Variants in ZDHHC21 observed in about 807,000 individuals in gnomAD.
ZDHHC21 encodes zDHHC palmitoyltransferase 21, also known as palmitoyltransferase ZDHHC21.
ZDHHC21 carries 15 observed loss-of-function variants against 34.6 expected under a neutral mutation model. That is an observed-to-expected ratio of 0.43 (90% CI 0.29 to 0.67). The LOEUF is 0.67. ZDHHC21 is among the 30% of genes least tolerant of loss of function. The probability of loss-of-function intolerance (pLI) is 0.14; values close to 1 mark genes in which losing one functional copy is unlikely to be tolerated. For synonymous variants in ZDHHC21, 142 were observed against 101.8 expected, an observed-to-expected ratio of 1.40 and a Z score of -2.38; for missense variants, 344 against 327.7, an observed-to-expected ratio of 1.05 and a Z score of -0.38.
downstream of ZDHHC21, among the ~76,000 whole-genome samples, chr9:14,609,972 A>C (rs1001317009): frequency 1.3e-5 from 2 of 152,196 alleles, no homozygotes; most frequent in Admixed American, 6.5e-5. Context: ...ATGAGATCCA[A>C]CTTTCTTCTA....
At chr9:14,664,137 G>A (rs1422949360) in intron 5 of ZDHHC21, among the ~76,000 whole-genome samples, 6 of 152,146 alleles carry the variant, frequency 3.9e-5, no homozygotes, top group Non-Finnish European at 8.8e-5. Context: ...AGTGGGCGCA[G>A]GCCAGCGGGT....
At chr9:14,634,289 T>A (rs1443310429) in intron 8 of ZDHHC21, among the ~76,000 whole-genome samples, 1 of 152,208 alleles carries the variant, frequency 6.6e-6, no homozygotes, top group Admixed American at 6.5e-5. Context: ...CCAATACTAT[T>A]GCCATTACCC....
intron 7 of ZDHHC21, among the ~76,000 whole-genome samples, chr9:14,640,624 T>C (rs1436385118): frequency 6.6e-6 from 1 of 152,088 alleles, no homozygotes; most frequent in African/African-American, 2.4e-5. Flanking sequence ...AATGTATAAA[T>C]GATAAAAATA....
chr9:14,606,526 T>C (rs1035971126), downstream of ZDHHC21, among the ~76,000 whole-genome samples: 3 of 152,104 alleles, frequency 2.0e-5, no homozygotes, highest in Non-Finnish European at 2.9e-5. Context: ...TCTTCCAGGA[T>C]CTTTCGGTCC....
Position 14,611,155 on chromosome 9 carries a change from TTTAAA to T in ZDHHC21, c.*7806_*7810del, listed in dbSNP as rs779939228. 4 of 151,866 alleles carry T rather than the reference TTTAAA, an allele frequency of 2.6e-5. No homozygotes were observed. Among genetic ancestry groups the T allele is most frequent in the Non-Finnish European group, 5.9e-5 (4 of 67,866 alleles). 9.4% of individuals were successfully genotyped at this position (151,866 alleles called of 1,614,324 possible). The stretch of plus-strand genomic sequence containing the variant: ...ATTTTGAGAAGTAAAAATTCCACAA[TTTAAA>T]TTAAAAACAATCTGCAAAGAAAATA... On this transcript the variant is annotated 3_prime_UTR_variant, in exon 10 of 10. Transcript: ENST00000380916.
Position 14,693,406 on chromosome 9 carries a change from C to T in ZDHHC21, c.-402G>A, listed in dbSNP as rs1366018987. 2.0e-5 allele frequency: 6 copies of T among 296,210 alleles called. No individual in the cohort carries two copies. Among genetic ancestry groups the T allele is most frequent in the African/African-American group, 9.4e-5 (4 of 42,604 alleles). The allele number at this position is 296,210 out of a possible 1,614,324, so 18.3% of individuals were successfully genotyped here. The stretch of plus-strand genomic sequence containing the variant: ...CCGGCCGAGTGGGTGTCCGCATGCC[C>T]GCGCGCCCGCGTGGGGAGGGACGAC... On this transcript the variant is annotated 5_prime_UTR_variant, in exon 1 of 10. Transcript: ENST00000380916.
the ZDHHC21 span, among the ~76,000 whole-genome samples, chr9:14,602,779 C>A: frequency 5.3e-5 from 8 of 151,922 alleles, no homozygotes; most frequent in African/African-American, 1.7e-4. Context: ...GGACAAAAGC[C>A]AGGCACAGTG....
rs191807342 is a variant in ZDHHC21 at position 14,659,356 on chromosome 9, C to G, written c.366-469G>C. Among the ~76,000 whole-genome samples the G allele has an allele frequency of 9.5e-3, 1,440 of 152,334 alleles. 12 individuals carry two copies. Among genetic ancestry groups the G allele is most frequent in the Middle Eastern group, 0.051 (15 of 294 alleles). On this transcript the variant is annotated intron_variant, in intron 6 of 9. Transcript: ENST00000380916. ...GCTGAAACATACCACTCTGACATAACTGCTAAGCATTCACTTTTCATTTTA... is the reference window on the plus strand; with the variant it reads ...GCTGAAACATACCACTCTGACATAAGTGCTAAGCATTCACTTTTCATTTTA...
At chr9:14,597,813 G>A in the ZDHHC21 span, among the ~76,000 whole-genome samples, 1 of 152,028 alleles carries the variant, frequency 6.6e-6, no homozygotes, top group Non-Finnish European at 1.5e-5. Flanking sequence ...CAGCACCTGT[G>A]CCTACCTTCT....
chr9:14,664,348 G>C (rs1209906521), intron 5 of ZDHHC21, among the ~76,000 whole-genome samples: 1 of 151,918 alleles, frequency 6.6e-6, no homozygotes, highest in Admixed American at 6.6e-5. Context: ...CACCTGGCTC[G>C]GAGGGTCCTA....
At chr9:14,665,820 G>A (rs997478434) in intron 5 of ZDHHC21, among the ~76,000 whole-genome samples, 2 of 147,320 alleles carry the variant, frequency 1.4e-5, no homozygotes, top group African/African-American at 2.5e-5. Flanking sequence ...TCACCACCAG[G>A]CCTGCCCTAA....
At chr9:14,620,170 C>T (rs2133431051) in intron 8 of ZDHHC21, among the ~76,000 whole-genome samples, 1 of 152,124 alleles carries the variant, frequency 6.6e-6, no homozygotes, top group Non-Finnish European at 1.5e-5. Context: ...TGCCATATTA[C>T]AACATCTATT....
rs1373489311 is a variant in ZDHHC21, at chr9:14,672,900, C to G, written c.183G>C (p.Leu61=). ...IIFYGISIFC[L]VALVRASITD... ...TTATGGAGGCCCTCACTAAGGCAACCAGACAGAATATGGAAATGCCATAGA... is the reference window on the plus strand; with the variant it reads ...TTATGGAGGCCCTCACTAAGGCAACGAGACAGAATATGGAAATGCCATAGA... Residue 61 remains leucine, a synonymous_variant, in exon 5 of 10, where the codon CTG becomes CTC. Transcript: ENST00000380916. 1 of 1,604,104 alleles carries G rather than the reference C, an allele frequency of 6.2e-7. No individual in the cohort carries two copies. Among genetic ancestry groups the G allele is most frequent in the Non-Finnish European group, 8.5e-7 (1 of 1,173,638 alleles).
In ZDHHC21 at chr9:14,613,903, C is replaced by G. The variant is rs998772826; in HGVS notation, c.*5063G>C. On this transcript the variant is annotated 3_prime_UTR_variant, in exon 10 of 10. Transcript: ENST00000380916. ...TGAGTTTTCCACATTATTTTTAACA[C>G]TTCACATGATCATACTCTACACAAT... The G allele has an allele frequency of 2.0e-5, 3 of 151,672 alleles. No homozygotes were observed. Among genetic ancestry groups the G allele is most frequent in the Non-Finnish European group, 3.0e-5 (2 of 67,740 alleles). 9.4% of individuals were successfully genotyped at this position (151,672 alleles called of 1,614,324 possible). A position where few individuals can be genotyped will look rare whatever the true frequency, so the allele number is the denominator to read the frequency against.
intron 8 of ZDHHC21, among the ~76,000 whole-genome samples, chr9:14,631,809 T>C (rs1478382153): frequency 6.6e-6 from 1 of 152,062 alleles, no homozygotes; most frequent in African/African-American, 2.4e-5. Context: ...ACACACAACA[T>C]TTACCAATTA....
chr9:14,680,772 C>A (rs762295686), intron 2 of ZDHHC21, among the ~76,000 whole-genome samples: 1 of 152,166 alleles, frequency 6.6e-6, no homozygotes, highest in East Asian at 1.9e-4. Context: ...GAGGCTCTAT[C>A]TTCAATGGAG....
intron 2 of ZDHHC21, among the ~76,000 whole-genome samples, chr9:14,688,082 T>C (rs1051363056): frequency 6.7e-6 from 1 of 150,042 alleles, no homozygotes; most frequent in Non-Finnish European, 1.5e-5. Context: ...ATTTTTTAAA[T>C]ATCACATAGA....
the ZDHHC21 span, among the ~76,000 whole-genome samples, chr9:14,598,507 T>C: frequency 6.6e-6 from 1 of 152,098 alleles, no homozygotes; most frequent in Non-Finnish European, 1.5e-5. Context: ...TTACATGAGA[T>C]GTGCAGATAT....
chr9:14,665,251 A>C (rs888705599), intron 5 of ZDHHC21, among the ~76,000 whole-genome samples: 14 of 133,108 alleles, frequency 1.1e-4, no homozygotes, highest in Non-Finnish European at 1.7e-4. Context: ...GGTATCAGCA[A>C]TGGAAGATGA....
Sources: gnomAD v4.1 joint callset for allele counts (sites outside exome capture counted in the v4.1 genomes callset) on GRCh38, gnomAD v4.1.1 for gene constraint, MANE v1.5 for transcripts, NCBI Gene and HGNC (gene_info 2026-07-23, HGNC 2026-07-21) for gene names.